Variants in SLC2A2 observed in about 807,000 individuals in gnomAD.
The protein encoded by SLC2A2 is solute carrier family 2 member 2, also known as solute carrier family 2, facilitated glucose transporter member 2.
A neutral mutation model predicts 54.5 loss-of-function variants in SLC2A2; 36 were observed. The observed-to-expected ratio is 0.66, with a 90% CI of 0.51 to 0.87. SLC2A2 has a LOEUF of 0.87. Ranked by LOEUF, SLC2A2 falls within the 40% of genes least tolerant of loss-of-function variation. The pLI, the probability that SLC2A2 is intolerant of heterozygous loss-of-function variation, is 0.00. For synonymous variants in SLC2A2, 223 were observed against 219.1 expected, an observed-to-expected ratio of 1.02 and a Z score of -0.16; for missense variants, 543 against 624.3, an observed-to-expected ratio of 0.87 and a Z score of 1.39.
rs1230247311 is a variant in SLC2A2 at position 171,018,624 on chromosome 3, C to A, written c.16-1G>T. 1 of 1,609,850 alleles carries A rather than the reference C, an allele frequency of 6.2e-7. No homozygotes were observed. The highest frequency in any genetic ancestry group is 8.5e-7 in the Non-Finnish European group (1 of 1,176,320). ...CAGTGAAAACCAGGGTCCCAGTGACCTGCAGGGGGCGAGACACAGGGCAGG... is the reference window on the plus strand; with the variant it reads ...CAGTGAAAACCAGGGTCCCAGTGACATGCAGGGGGCGAGACACAGGGCAGG... On this transcript the variant is annotated splice_acceptor_variant, in intron 1 of 10. Transcript: ENST00000314251. LOFTEE classifies it high-confidence loss of function.
intron 8 of SLC2A2, among the ~76,000 whole-genome samples, chr3:170,999,808 G>T (rs1388227841): frequency 6.6e-6 from 1 of 152,072 alleles, no homozygotes; most frequent in Non-Finnish European, 1.5e-5. Flanking sequence ...CGTTTTAAAA[G>T]TTAGCACTTT....
At chr3:171,012,425 G>A (rs1470468991) in intron 3 of SLC2A2, among the ~76,000 whole-genome samples, 5 of 152,150 alleles carry the variant, frequency 3.3e-5, no homozygotes, top group Non-Finnish European at 7.4e-5. Context: ...TCAAAGGCAA[G>A]CTATGCATCG....
chr3:171,011,353 GTGATA>G (rs1017854978), intron 3 of SLC2A2, among the ~76,000 whole-genome samples: 4 of 152,096 alleles, frequency 2.6e-5, no homozygotes, highest in African/African-American at 4.8e-5. Context: ...AGAGGAGCAG[GTGATA>G]TGATGACAGA....
At chr3:170,999,219 C>T in intron 8 of SLC2A2, 53 bp from the exon 9 acceptor site, 1 of 1,182,272 alleles carries the variant, frequency 8.5e-7, no homozygotes, top group South Asian at 1.2e-5. Context: ...AAAATATTGA[C>T]TGTTTACTTA....
rs1051465444 is a variant in SLC2A2, at chr3:171,005,199, C to A, written c.963+86G>T. 4 of 1,094,420 alleles carry A rather than the reference C, an allele frequency of 3.7e-6. No homozygotes were observed. The African/African-American group carries it at 6.2e-5, about 17-fold the overall frequency. The allele number at this position is 1,094,420 out of a possible 1,614,324, so 67.8% of individuals were successfully genotyped here. ...CCATGATGCCAATACCTTAAAATATCTTTTAGCTATTTAAACTTGTACCCC... is the reference window on the plus strand; with the variant it reads ...CCATGATGCCAATACCTTAAAATATATTTTAGCTATTTAAACTTGTACCCC... On this transcript the variant is annotated intron_variant, in intron 7 of 10. Coordinates refer to ENST00000314251, the MANE Select transcript of SLC2A2 (RefSeq NM_000340.2).
chr3:171,007,392 G>C (rs747576729), intron 4 of SLC2A2, 129 bp from the exon 5 acceptor site: 5 of 693,862 alleles, frequency 7.2e-6, no homozygotes, highest in Non-Finnish European at 1.3e-5. Context: ...ATGAACCCTT[G>C]TTCCTAGGTA....
intron 1 of SLC2A2, among the ~76,000 whole-genome samples, chr3:171,019,099 A>ATATATATATATATATATATATACGTATG (rs1716313947): frequency 8.7e-5 from 3 of 34,432 alleles, no homozygotes; most frequent in East Asian, 4.1e-4. Flanking sequence ...GTGTGTGTGT[A>ATATATATATATATATATATATACGTATG]TATATATATA....
chr3:170,997,989 C>G lies in SLC2A2; in HGVS notation c.1489G>C (p.Ala497Pro), dbSNP rs201797691. 5 of 1,613,652 alleles carry G rather than the reference C, an allele frequency of 3.1e-6. No homozygotes were observed. Among genetic ancestry groups the G allele is most frequent in the Non-Finnish European group, 1.7e-6 (2 of 1,179,778 alleles). The change falls in exon 11 of 11, where the codon GCA becomes CCA. Residue 497 changes from alanine to proline, a missense_variant. By Grantham distance (27) the Ala-to-Pro change is conservative. This residue lies in a region of SLC2A2 where 108 missense variants were observed against 101.3 expected (regional missense o/e 1.07). Coordinates refer to ENST00000314251, the MANE Select transcript of SLC2A2 (RefSeq NM_000340.2). ...TKGKSFEEIAAEFQKKSGSAH... is the reference protein window; with the variant it reads ...TKGKSFEEIAPEFQKKSGSAH... ...GAGCCACTCTTCTTTTGGAATTCTG[C>G]AGCAATTTCCTCAAAAGACTTTCCT...
At chr3:171,016,729 C>A (rs1716168995) in intron 2 of SLC2A2, among the ~76,000 whole-genome samples, 1 of 152,106 alleles carries the variant, frequency 6.6e-6, no homozygotes, top group African/African-American at 2.4e-5. Context: ...AGAGAGAGAG[C>A]ACTAACCTGG....
At position 170,997,836 on chromosome 3, in the gene SLC2A2, AATC is replaced by A. The variant is rs1469526623; in HGVS notation, c.*64_*66del. Reference sequence around the variant, plus strand: ...AGATGTGGATATAAAATGCTCAAGGAATCATCATTTAAAAACAGACGGTTCCCT... The same window carrying A: ...AGATGTGGATATAAAATGCTCAAGGAATCATTTAAAAACAGACGGTTCCCT... On this transcript the variant is annotated 3_prime_UTR_variant, in exon 11 of 11. Coordinates refer to ENST00000314251, the MANE Select transcript of SLC2A2 (RefSeq NM_000340.2). 2.9e-5 allele frequency: 37 copies of A among 1,259,750 alleles called. No individual in the cohort carries two copies. The highest frequency in any genetic ancestry group is 3.6e-5 in the Non-Finnish European group (31 of 867,932). 78.0% of individuals were successfully genotyped at this position (1,259,750 alleles called of 1,614,324 possible).
chr3:171,009,872 C>A, intron 4 of SLC2A2, 86 bp downstream of exon 4: 1 of 1,505,482 alleles, frequency 6.6e-7, no homozygotes, highest in Non-Finnish European at 8.9e-7. Flanking sequence ...TCCCTGAGTG[C>A]TACCACATCC....
chr3:171,002,630 A>C lies in SLC2A2; in HGVS notation c.1014T>G (p.Pro338=). ...CGCCAACTCCAATGGTTGCATAAACAGGTTTGCTGATACCAGCCGTCTGAA... is the reference window on the plus strand; with the variant it reads ...CGCCAACTCCAATGGTTGCATAAACCGGTTTGCTGATACCAGCCGTCTGAA... The part of the protein sequence containing the change: ...SIFQTAGISK[P]VYATIGVGAV... The change falls in exon 8 of 11, where the codon CCT becomes CCG. Residue 338 remains proline, a synonymous_variant. Coordinates refer to ENST00000314251, the MANE Select transcript of SLC2A2 (RefSeq NM_000340.2). 1.2e-6 allele frequency: 2 copies of C among 1,611,178 alleles called. No individual in the cohort carries two copies. The highest frequency in any genetic ancestry group is 1.7e-6 in the Non-Finnish European group (2 of 1,178,318).
At chr3:171,022,213 C>T (rs1716495246) in intron 1 of SLC2A2, among the ~76,000 whole-genome samples, 1 of 152,190 alleles carries the variant, frequency 6.6e-6, no homozygotes, top group African/African-American at 2.4e-5. Flanking sequence ...GACTTGGTTC[C>T]AGATCTTACG....
In SLC2A2 at chr3:171,016,251, G is replaced by A. The variant is rs536303874; in HGVS notation, c.109-1520C>T. On this transcript the variant is annotated intron_variant, in intron 2 of 10. Transcript: ENST00000314251. ...GGAGTTCAAGACCAGCCTGGCCAAC[G>A]TGGCAAAACCCTGTCTCTACTAAAG... is the stretch of plus-strand genomic sequence containing the variant. Among the ~76,000 whole-genome samples, 5 of 152,232 alleles carry A rather than the reference G, an allele frequency of 3.3e-5. No homozygotes were observed. The East Asian group carries it at 7.7e-4, about 24-fold the overall frequency.
intron 3 of SLC2A2, among the ~76,000 whole-genome samples, chr3:171,012,514 A>G (rs1313599385): frequency 6.6e-6 from 1 of 152,186 alleles, no homozygotes; most frequent in African/African-American, 2.4e-5. Context: ...CTGTAAATGC[A>G]TAGGTTGGAA....
intron 1 of SLC2A2, among the ~76,000 whole-genome samples, chr3:171,023,311 G>C (rs563930868): frequency 5.3e-5 from 8 of 152,298 alleles, no homozygotes; most frequent in African/African-American, 1.9e-4. Flanking sequence ...CTCTGAAACT[G>C]TTTAATGGCA....
At chr3:171,019,712 TATG>T (rs1191742588) in intron 1 of SLC2A2, among the ~76,000 whole-genome samples, 1 of 152,172 alleles carries the variant, frequency 6.6e-6, no homozygotes, top group Non-Finnish European at 1.5e-5. Context: ...AAAGGAATAA[TATG>T]ATCATGTGTA....
intron 1 of SLC2A2, among the ~76,000 whole-genome samples, chr3:171,024,093 G>A (rs1716581434): frequency 6.6e-6 from 1 of 152,136 alleles, no homozygotes; most frequent in African/African-American, 2.4e-5. Context: ...GTCCCAGCTA[G>A]GCTCCTAACG....
chr3:171,019,679 T>C (rs1191260802), intron 1 of SLC2A2, among the ~76,000 whole-genome samples: 1 of 152,168 alleles, frequency 6.6e-6, no homozygotes, highest in African/African-American at 2.4e-5. Flanking sequence ...ATCAGATACA[T>C]GTAATATGCT....
Sources: allele counts gnomAD v4.1 joint callset (sites outside exome capture counted in the v4.1 genomes callset), GRCh38; gene constraint gnomAD v4.1.1; regional missense constraint gnomAD v4.1.1; transcripts MANE v1.5; gene names NCBI Gene and HGNC (gene_info 2026-07-23, HGNC 2026-07-21).